The following SLFN5 variants were observed in gnomAD, a reference collection of about 807,000 sequenced individuals.
SLFN5 encodes the protein schlafen family member 5.
In SLFN5, 34 loss-of-function variants were observed where a neutral mutation model predicts 48.5. The observed-to-expected ratio is 0.70, with a 90% CI of 0.53 to 0.93. The LOEUF is 0.93. Ranked by LOEUF, SLFN5 falls within the 40% of genes least tolerant of loss-of-function variation. The pLI, the probability that SLFN5 is intolerant of heterozygous loss-of-function variation, is 0.00. For synonymous variants in SLFN5, 387 were observed against 396.2 expected, an observed-to-expected ratio of 0.98 and a Z score of 0.28; for missense variants, 1,006 against 1,071.3, an observed-to-expected ratio of 0.94 and a Z score of 0.85.
rs1904658916 is a variant in SLFN5, at chr17:35,265,618, ATATAAAGACAGGCTTCT to A, written c.2407_2423del (p.Tyr803AsnfsTer13). On this transcript the variant is annotated frameshift_variant, in exon 5 of 5. Transcript: ENST00000299977. LOFTEE classifies it low-confidence loss of function (END_TRUNC). Reference sequence around the variant, plus strand: ...TCACCAAAGCAAGTGAAGTGGAAAAATATAAAGACAGGCTTCTAACAGCAATGAGGAAGAGAAAACTG... The same window carrying A: ...TCACCAAAGCAAGTGAAGTGGAAAAAAACAGCAATGAGGAAGAGAAAACTG... 1.2e-6 allele frequency: 2 copies of A among 1,614,124 alleles called. No homozygotes were observed. Among genetic ancestry groups the A allele is most frequent in the Non-Finnish European group, 1.7e-6 (2 of 1,180,042 alleles).
At chr17:35,256,466 G>A (rs1216831170) in intron 1 of SLFN5, among the ~76,000 whole-genome samples, 1 of 151,896 alleles carries the variant, frequency 6.6e-6, no homozygotes, top group East Asian at 1.9e-4. Flanking sequence ...ATTTTGAACA[G>A]CAATCCTTTG....
Position 35,271,006 on chromosome 17 carries a change from AAAAG to A in SLFN5, c.*5121_*5124del, listed in dbSNP as rs1283722749. The A allele has an allele frequency of 1.3e-5, 2 of 152,222 alleles. No individual in the cohort carries two copies. Among genetic ancestry groups the A allele is most frequent in the Admixed American group, 6.5e-5 (1 of 15,286 alleles). The allele number at this position is 152,222 out of a possible 1,614,324, so 9.4% of individuals were successfully genotyped here. ...AAAGAAAAAGTTTGGAAAATCTACAAAAAGAAGTGTGAATTTGACAATAACTATT... is the reference window on the plus strand; with the variant it reads ...AAAGAAAAAGTTTGGAAAATCTACAAAAGTGTGAATTTGACAATAACTATT... On this transcript the variant is annotated 3_prime_UTR_variant, in exon 5 of 5. Coordinates refer to ENST00000299977, the MANE Select transcript of SLFN5 (RefSeq NM_144975.4).
Position 35,265,541 on chromosome 17 carries a change from T to C in SLFN5, c.2329T>C (p.Cys777Arg), listed in dbSNP as rs746541800. Reference protein sequence around the residue: ...EEILIYVANKCRFLLRNGYSP... With the variant: ...EEILIYVANKRRFLLRNGYSP... ...GATACTGATCTATGTAGCGAATAAA[T>C]GCCGTTTTCTCTTGCGGAATGGTTA... The change falls in exon 5 of 5, where the codon TGC becomes CGC. Residue 777 changes from cysteine to arginine, a missense_variant. By Grantham distance (180) the Cys-to-Arg change is radical. Transcript: ENST00000299977. 6 of 1,614,122 alleles carry C rather than the reference T, an allele frequency of 3.7e-6. No individual in the cohort carries two copies. In the South Asian group the frequency reaches 5.5e-5, roughly 15 times the overall value.
chr17:35,261,001 A>T lies in SLFN5; in HGVS notation c.1043A>T (p.Gln348Leu). 1 of 1,613,944 alleles carries T rather than the reference A, an allele frequency of 6.2e-7. No individual in the cohort carries two copies. The highest frequency in any genetic ancestry group is 8.5e-7 in the Non-Finnish European group (1 of 1,179,912). ...DLSRCPEMVL[Q>L]LSLSSATPRS... ...TCCAGGTGTCCTGAGATGGTTCTCC[A>T]GTTGAGTTTGTCATCTGCCACGCCC... The change falls in exon 3 of 5, where the codon CAG (glutamine) becomes CTG (leucine). Residue 348 changes from glutamine to leucine, a missense_variant. Physicochemically the swap from Gln to Leu is moderately radical, Grantham distance 113. Transcript: ENST00000299977.
At chr17:35,259,821 T>G (rs899940) in intron 2 of SLFN5, 119 bp downstream of exon 2, 732,370 of 1,200,394 alleles carry the variant, frequency 0.61, 225,160 homozygotes, top group Middle Eastern at 0.73. Flanking sequence ...TACTCTCTGA[T>G]TTGCAATTGT....
chr17:35,267,192 A>G lies in SLFN5; in HGVS notation c.*1304A>G, dbSNP rs1904720989. 6.6e-6 allele frequency: 1 copy of G among 152,236 alleles called. No homozygotes were observed. The highest frequency in any genetic ancestry group is 1.5e-5 in the Non-Finnish European group (1 of 68,034). The allele number at this position is 152,236 out of a possible 1,614,324, so 9.4% of individuals were successfully genotyped here. On this transcript the variant is annotated 3_prime_UTR_variant, in exon 5 of 5. Transcript: ENST00000299977. ...GCAAATCACTAGTAAGTAGAGACAC[A>G]TTTAAGATAAAATGATTAATAAAAC...
chr17:35,244,217 C>A lies in SLFN5; in HGVS notation c.-41+1074C>A, dbSNP rs142825224. Reference sequence around the variant, plus strand: ...GCAAAAAGTGGGTAGTTAACATATGCAAATAAGCAAGGGCCTCATCGGAAT... The same window carrying A: ...GCAAAAAGTGGGTAGTTAACATATGAAAATAAGCAAGGGCCTCATCGGAAT... On this transcript the variant is annotated intron_variant, in intron 1 of 4. Coordinates refer to ENST00000299977, the MANE Select transcript of SLFN5 (RefSeq NM_144975.4). Among the ~76,000 whole-genome samples, 1,038 of 152,168 alleles carry A rather than the reference C, an allele frequency of 6.8e-3. 8 individuals are homozygous for A. The highest frequency in any genetic ancestry group is 0.011 in the Non-Finnish European group (762 of 68,004).
At chr17:35,263,193 T>G (rs1567792053) in intron 3 of SLFN5, among the ~76,000 whole-genome samples, 1 of 152,110 alleles carries the variant, frequency 6.6e-6, no homozygotes, top group Non-Finnish European at 1.5e-5. Context: ...TGCAGTGGTG[T>G]GACCTCAGCT....
intron 1 of SLFN5, among the ~76,000 whole-genome samples, chr17:35,247,063 C>T (rs2092432496): frequency 6.6e-6 from 1 of 151,934 alleles, no homozygotes; most frequent in African/African-American, 2.4e-5. Context: ...AAGCCAAACA[C>T]AACTTCTGCA....
chr17:35,258,854 G>T lies in SLFN5; in HGVS notation c.164G>T (p.Gly55Val). 1.2e-6 allele frequency: 2 copies of T among 1,614,160 alleles called. No individual in the cohort carries two copies. Among genetic ancestry groups the T allele is most frequent in the East Asian group, 4.5e-5 (2 of 44,896 alleles). Reference protein sequence around the residue: ...RAVCALLNSGGGIIKAEIENK... With the variant: ...RAVCALLNSGVGIIKAEIENK... ...GTATGTGCTCTGCTGAATTCTGGTG[G>T]GGGCATAATCAAGGCTGAGATTGAG... The change falls in exon 2 of 5, where the codon GGG (glycine) becomes GTG (valine). Residue 55 changes from glycine (G) to valine (V), a missense_variant. Gly to Val is a moderately radical substitution (Grantham distance 109). Transcript: ENST00000299977.
chr17:35,263,427 G>T (rs530134167), intron 3 of SLFN5, among the ~76,000 whole-genome samples: 1 of 151,980 alleles, frequency 6.6e-6, no homozygotes, highest in Non-Finnish European at 1.5e-5. Flanking sequence ...CACCACGCCC[G>T]GCTTCCTTGC....
At chr17:35,258,077 C>A (rs1261060257) in intron 1 of SLFN5, among the ~76,000 whole-genome samples, 2 of 152,160 alleles carry the variant, frequency 1.3e-5, no homozygotes, top group Admixed American at 6.5e-5. Context: ...ATAAATATAA[C>A]CTGTTGGTCA....
At chr17:35,250,172 C>T (rs2092439120) in intron 1 of SLFN5, among the ~76,000 whole-genome samples, 1 of 152,194 alleles carries the variant, frequency 6.6e-6, no homozygotes, top group African/African-American at 2.4e-5. Context: ...AACCCACACA[C>T]CATCTGTCAT....
chr17:35,264,534 T>C lies in SLFN5; in HGVS notation c.1490T>C (p.Leu497Pro). 1 of 1,614,196 alleles carries C rather than the reference T, an allele frequency of 6.2e-7. No individual in the cohort carries two copies. The highest frequency in any genetic ancestry group is 8.5e-7 in the Non-Finnish European group (1 of 1,180,032). The part of the protein sequence containing the change: ...RLCITPLVCV[L>P]NSDRKAQSVY... ...TGCATCACCCCCTTGGTCTGTGTGC[T>C]GAATTCTGATAGAAAAGCACAGAGC... The change falls in exon 4 of 5, where the codon CTG becomes CCG. Residue 497 changes from leucine (L) to proline (P), a missense_variant. Coordinates refer to ENST00000299977, the MANE Select transcript of SLFN5 (RefSeq NM_144975.4).
chr17:35,264,082 A>G (rs1224305869), intron 3 of SLFN5, 101 bp from the exon 4 acceptor site: 1 of 1,374,580 alleles, frequency 7.3e-7, no homozygotes, highest in Non-Finnish European at 9.7e-7. Flanking sequence ...TATTGTAGAT[A>G]CATAGTAGAG....
chr17:35,266,636 G>T lies in SLFN5; in HGVS notation c.*748G>T, dbSNP rs922192777. The T allele has an allele frequency of 6.6e-6, 1 of 152,102 alleles. No homozygotes were observed. Among genetic ancestry groups the T allele is most frequent in the Non-Finnish European group, 1.5e-5 (1 of 68,040 alleles). The allele number at this position is 152,102 out of a possible 1,614,324, so 9.4% of individuals were successfully genotyped here. ...TAGGTTACTACATGAAGGTAAGACT[G>T]CCACAGTCCCCCAGGGAGGCACACT... is the stretch of plus-strand genomic sequence containing the variant. On this transcript the variant is annotated 3_prime_UTR_variant, in exon 5 of 5. Coordinates refer to ENST00000299977, the MANE Select transcript of SLFN5 (RefSeq NM_144975.4).
rs1449871010 is a variant in SLFN5, at chr17:35,267,191, C to T, written c.*1303C>T. On this transcript the variant is annotated 3_prime_UTR_variant, in exon 5 of 5. Transcript: ENST00000299977. ...TGCAAATCACTAGTAAGTAGAGACACATTTAAGATAAAATGATTAATAAAA... is the reference window on the plus strand; with the variant it reads ...TGCAAATCACTAGTAAGTAGAGACATATTTAAGATAAAATGATTAATAAAA... 1.3e-5 allele frequency: 2 copies of T among 152,202 alleles called. No homozygotes were observed. Among genetic ancestry groups the T allele is most frequent in the African/African-American group, 4.8e-5 (2 of 41,534 alleles). The allele number at this position is 152,202 out of a possible 1,614,324, so 9.4% of individuals were successfully genotyped here.
Position 35,265,912 on chromosome 17 carries a change from A to G in SLFN5, c.*24A>G. On this transcript the variant is annotated 3_prime_UTR_variant, in exon 5 of 5. Transcript: ENST00000299977. ...GACAGGAAACCCAAGCCTAAGAAAC[A>G]ATTAAGTGGTTCTCATCTCTAATTA... The G allele has an allele frequency of 6.4e-7, 1 of 1,551,268 alleles. No individual in the cohort carries two copies. Among genetic ancestry groups the G allele is most frequent in the Non-Finnish European group, 8.7e-7 (1 of 1,152,550 alleles).
intron 2 of SLFN5, among the ~76,000 whole-genome samples, chr17:35,260,330 G>T (rs1456125202): frequency 2.0e-5 from 3 of 152,096 alleles, no homozygotes; most frequent in Non-Finnish European, 4.4e-5. Flanking sequence ...TTCTTCAAAG[G>T]TCCAGAAAAA....
Sources: gnomAD v4.1 joint callset for allele counts (sites outside exome capture counted in the v4.1 genomes callset) on GRCh38, gnomAD v4.1.1 for gene constraint, MANE v1.5 for transcripts, NCBI Gene and HGNC (gene_info 2026-07-23, HGNC 2026-07-21) for gene names.